Variants in TRHDE observed in about 807,000 individuals in gnomAD.
TRHDE encodes thyrotropin-releasing hormone-degrading ectoenzyme.
Under a neutral mutation model 125.7 loss-of-function variants are expected in TRHDE, and 72 were observed. That is an observed-to-expected ratio of 0.57 (90% confidence interval 0.47 to 0.70). TRHDE has a LOEUF of 0.70. TRHDE is among the 30% of genes least tolerant of loss of function. The probability of loss-of-function intolerance (pLI) is 0.00; values close to 1 mark genes in which losing one functional copy is unlikely to be tolerated. For synonymous variants in TRHDE, 509 were observed against 509.1 expected, an observed-to-expected ratio of 1.00 and a Z score of 0.00; for missense variants, 1,110 against 1,327.1, an observed-to-expected ratio of 0.84 and a Z score of 2.54.
At chr12:72,499,390 A>G (rs1050526638) in intron 5 of TRHDE, 108 bp from the exon 6 acceptor site, 2 of 1,369,266 alleles carry the variant, frequency 1.5e-6, no homozygotes, top group African/African-American at 2.9e-5. Context: ...ATGCCTTGGA[A>G]GACTGATGAA....
chr12:72,088,617 T>C (rs545264988), intron 1 of TRHDE, among the ~76,000 whole-genome samples: 20 of 151,956 alleles, frequency 1.3e-4, no homozygotes, highest in Non-Finnish European at 1.6e-4. Context: ...CTCTCATCTG[T>C]AAAATGGAAA....
chr12:72,188,584 C>T (rs1877276366), intron 2 of TRHDE, among the ~76,000 whole-genome samples: 1 of 152,166 alleles, frequency 6.6e-6, no homozygotes, highest in South Asian at 2.1e-4. Context: ...CTATTGGGCC[C>T]TCTGGTGAAT....
chr12:72,543,331 A>AT (rs1869246296), intron 7 of TRHDE, among the ~76,000 whole-genome samples: 2 of 151,504 alleles, frequency 1.3e-5, no homozygotes, highest in Admixed American at 1.3e-4. Flanking sequence ...ATATAAAAAT[A>AT]AATTTTTTGA....
At chr12:72,636,685 C>A (rs961857163) in intron 15 of TRHDE, among the ~76,000 whole-genome samples, 3 of 152,130 alleles carry the variant, frequency 2.0e-5, no homozygotes, top group South Asian at 4.1e-4. Flanking sequence ...CCCATCAATA[C>A]CTAATTTATT....
chr12:72,593,150 T>C (rs1359954610), intron 12 of TRHDE, among the ~76,000 whole-genome samples: 1 of 152,226 alleles, frequency 6.6e-6, no homozygotes, highest in African/African-American at 2.4e-5. Context: ...GGTTTCCAAG[T>C]TCATTTTTGG....
chr12:72,309,079 A>G (rs1219818985), intron 2 of TRHDE, among the ~76,000 whole-genome samples: 1 of 152,104 alleles, frequency 6.6e-6, no homozygotes, highest in Non-Finnish European at 1.5e-5. Context: ...CAGATGCAAA[A>G]CCATGGCTAC....
chr12:72,217,502 A>G (rs1482869840), intron 2 of TRHDE, among the ~76,000 whole-genome samples: 1 of 152,156 alleles, frequency 6.6e-6, no homozygotes, highest in Non-Finnish European at 1.5e-5. Context: ...GCATCTGTCA[A>G]TCTCTTATTT....
chr12:72,337,179 G>A (rs1358799295), intron 2 of TRHDE, among the ~76,000 whole-genome samples: 2 of 152,146 alleles, frequency 1.3e-5, no homozygotes, highest in African/African-American at 2.4e-5. Flanking sequence ...AGAAAGGTCC[G>A]GTTGCTCCAG....
intron 5 of TRHDE, among the ~76,000 whole-genome samples, chr12:72,476,884 TA>T (rs1363556083): frequency 6.6e-6 from 1 of 152,176 alleles, no homozygotes; most frequent in Non-Finnish European, 1.5e-5. Flanking sequence ...CAGTTTCTGA[TA>T]TAGAATTAAG....
At chr12:72,643,874 A>C (rs1415783131) in intron 15 of TRHDE, among the ~76,000 whole-genome samples, 1 of 152,212 alleles carries the variant, frequency 6.6e-6, no homozygotes, top group Non-Finnish European at 1.5e-5. Flanking sequence ...TTTTTAAAAA[A>C]AGTAATTAAA....
intron 2 of TRHDE, among the ~76,000 whole-genome samples, chr12:72,122,448 A>G (rs188876086): frequency 2.6e-4 from 39 of 152,352 alleles, no homozygotes; most frequent in African/African-American, 8.9e-4. Context: ...TTAATAAATC[A>G]GCAGGATATT....
intron 2 of TRHDE, among the ~76,000 whole-genome samples, chr12:72,217,144 A>G (rs1877910096): frequency 6.6e-6 from 1 of 152,148 alleles, no homozygotes. Flanking sequence ...ATCTTAAAAA[A>G]AGAAGAGCAG....
At chr12:72,423,119 A>C (rs1030115397) in intron 3 of TRHDE, among the ~76,000 whole-genome samples, 3 of 152,114 alleles carry the variant, frequency 2.0e-5, no homozygotes, top group Non-Finnish European at 4.4e-5. Flanking sequence ...TGTTAAAACT[A>C]TACTTATTTA....
intron 2 of TRHDE, among the ~76,000 whole-genome samples, chr12:72,316,995 T>C (rs1868833677): frequency 6.6e-6 from 1 of 152,176 alleles, no homozygotes; most frequent in African/African-American, 2.4e-5. Context: ...TTTATGTGTT[T>C]TTTATTATGC....
intron 2 of TRHDE, among the ~76,000 whole-genome samples, chr12:72,356,282 C>A (rs1272051182): frequency 6.6e-6 from 1 of 151,562 alleles, no homozygotes; most frequent in African/African-American, 2.4e-5. Flanking sequence ...CAAACTAATG[C>A]AGGAACACAA....
At chr12:72,595,154 C>A in intron 12 of TRHDE, among the ~76,000 whole-genome samples, 1 of 148,094 alleles carries the variant, frequency 6.8e-6, no homozygotes, top group South Asian at 2.2e-4. Flanking sequence ...AGGAGATATA[C>A]CTAATGCTAA....
chr12:72,533,462 C>G (rs2135977581), intron 6 of TRHDE, among the ~76,000 whole-genome samples: 1 of 152,234 alleles, frequency 6.6e-6, no homozygotes, highest in South Asian at 2.1e-4. Context: ...CGTGAGCCAC[C>G]ATGCCCAGCT....
At chr12:72,245,985 C>T (rs1878568929) in intron 2 of TRHDE, among the ~76,000 whole-genome samples, 1 of 151,994 alleles carries the variant, frequency 6.6e-6, no homozygotes, top group Non-Finnish European at 1.5e-5. Context: ...TATATTTAAC[C>T]ATCACTATTA....
intron 2 of TRHDE, among the ~76,000 whole-genome samples, chr12:72,168,912 A>T (rs1180102528): frequency 2.0e-5 from 3 of 152,158 alleles, no homozygotes; most frequent in African/African-American, 7.2e-5. Flanking sequence ...TTTCTTAGAA[A>T]TTTATTTTCA....
Sources: allele counts gnomAD v4.1 joint callset (sites outside exome capture counted in the v4.1 genomes callset), GRCh38; gene constraint gnomAD v4.1.1; transcripts MANE v1.5; gene names NCBI Gene and HGNC (gene_info 2026-07-23, HGNC 2026-07-21).